The following METTL15 variants were observed in gnomAD, a reference collection of about 807,000 sequenced individuals.
METTL15 encodes 12S rRNA N(4)-cytidine methyltransferase METTL15.
A neutral mutation model predicts 38.3 loss-of-function variants in METTL15; 34 were observed. The ratio of observed to expected loss-of-function variants is 0.89; its 90% confidence interval spans 0.68 to 1.18. The LOEUF (loss-of-function observed/expected upper bound fraction) is 1.18, where lower values mean the gene tolerates loss of function less well. Among genes scored for constraint, METTL15 ranks in the 50% most tolerant of loss-of-function variants. METTL15 has a pLI of 0.00. For synonymous variants in METTL15, 162 were observed against 170.9 expected, an observed-to-expected ratio of 0.95 and a Z score of 0.41; for missense variants, 438 against 498.4, an observed-to-expected ratio of 0.88 and a Z score of 1.15.
At chr11:28,328,080 TG>T (rs775976387) in intron 6 of METTL15, 2 of 1,603,336 alleles carry the variant, frequency 1.2e-6, no homozygotes, top group Non-Finnish European at 1.7e-6. Context: ...AATATATGTT[TG>T]TTCATATTCT....
chr11:28,236,528 A>C (rs893211714), intron 4 of METTL15, among the ~76,000 whole-genome samples: 6 of 152,180 alleles, frequency 3.9e-5, no homozygotes, highest in African/African-American at 1.4e-4. Context: ...TTCCTGGTTT[A>C]GTCTTGGGAG....
At position 28,108,392 on chromosome 11, in the gene METTL15, A is replaced by G. The variant is rs3812739; in HGVS notation, c.-314A>G. On this transcript the variant is annotated 5_prime_UTR_variant, in exon 1 of 7. Coordinates refer to ENST00000407364, the MANE Select transcript of METTL15 (RefSeq NM_001113528.2). ...CCGGAGCTGCTGGTGGGAGGCAGCC[A>G]CTTGAGATCACCAGGCCTCCTGTAG... 0.15 allele frequency: 22,359 copies of G among 152,442 alleles called. 1,810 individuals are homozygous for G. Among genetic ancestry groups the G allele is most frequent in the East Asian group, 0.28 (1,454 of 5,162 alleles). 9.4% of individuals were successfully genotyped at this position (152,442 alleles called of 1,614,324 possible). A position where few individuals can be genotyped will look rare whatever the true frequency, so the allele number is the denominator to read the frequency against.
At chr11:28,231,354 G>GGACA (rs1400569331) in intron 4 of METTL15, among the ~76,000 whole-genome samples, 1 of 151,714 alleles carries the variant, frequency 6.6e-6, no homozygotes, top group Non-Finnish European at 1.5e-5. Flanking sequence ...TCATTACATA[G>GGACA]GACACATTAT....
intron 6 of METTL15, among the ~76,000 whole-genome samples, chr11:28,308,875 G>T (rs1252413994): frequency 7.0e-6 from 1 of 143,686 alleles, no homozygotes; most frequent in Admixed American, 7.3e-5. Flanking sequence ...AGAAAGATTA[G>T]ATAGATAGGT....
At chr11:28,208,003 CTTCT>C (rs1852437812) in intron 3 of METTL15, among the ~76,000 whole-genome samples, 1 of 151,852 alleles carries the variant, frequency 6.6e-6, no homozygotes, top group African/African-American at 2.4e-5. Context: ...TCTCTCATTT[CTTCT>C]TTATTAGTCT....
At chr11:28,362,066 A>G (rs916593136) in intron 5 of METTL15, 2 of 152,194 alleles carry the variant, frequency 1.3e-5, no homozygotes, top group African/African-American at 2.4e-5. Flanking sequence ...ACTAAAATAC[A>G]TATTGACCCT....
chr11:28,419,451 C>T (rs1015237886), intron 5 of METTL15, among the ~76,000 whole-genome samples: 7 of 152,136 alleles, frequency 4.6e-5, no homozygotes, highest in African/African-American at 1.7e-4. Flanking sequence ...GCATATGGTG[C>T]CCCCTAATAC....
chr11:28,384,790 C>A (rs552283586), intron 5 of METTL15, among the ~76,000 whole-genome samples: 1 of 152,240 alleles, frequency 6.6e-6, no homozygotes, highest in South Asian at 2.1e-4. Flanking sequence ...TTCTTCCTAA[C>A]CTTGCCAGCA....
intron 3 of METTL15, among the ~76,000 whole-genome samples, chr11:28,188,268 A>G (rs1851576714): frequency 6.6e-6 from 1 of 151,488 alleles, no homozygotes; most frequent in African/African-American, 2.4e-5. Flanking sequence ...AAATTCAAAC[A>G]TATCAAACAG....
At chr11:28,273,581 C>T (rs12295094) in intron 4 of METTL15, among the ~76,000 whole-genome samples, 13,205 of 151,822 alleles carry the variant, frequency 0.087, 1,025 homozygotes, top group East Asian at 0.36. Context: ...TCAGGTGTCA[C>T]ATATATATAT....
chr11:28,299,788 A>G (rs1448579292), intron 6 of METTL15, among the ~76,000 whole-genome samples: 1 of 152,102 alleles, frequency 6.6e-6, no homozygotes, highest in Admixed American at 6.6e-5. Flanking sequence ...AGTTTTGGAG[A>G]CTTGAAGTCT....
chr11:28,268,974 C>G (rs1053291004), intron 4 of METTL15, among the ~76,000 whole-genome samples: 13 of 152,190 alleles, frequency 8.5e-5, no homozygotes, highest in African/African-American at 2.9e-4. Flanking sequence ...CTTAAACCAC[C>G]AGGTACTATT....
intron 6 of METTL15, among the ~76,000 whole-genome samples, chr11:28,495,705 C>T (rs576593113): frequency 6.6e-6 from 1 of 151,938 alleles, no homozygotes; most frequent in East Asian, 1.9e-4. Flanking sequence ...TTCCTAATAA[C>T]ATTTAAACCC....
chr11:28,440,008 T>C (rs976541445), intron 6 of METTL15, among the ~76,000 whole-genome samples: 5 of 152,164 alleles, frequency 3.3e-5, no homozygotes, highest in African/African-American at 1.2e-4. Flanking sequence ...TGGGTAGACA[T>C]GGAGGCTTTT....
At chr11:28,424,900 G>T (rs538180518) in intron 6 of METTL15, among the ~76,000 whole-genome samples, 1 of 152,176 alleles carries the variant, frequency 6.6e-6, no homozygotes, top group Non-Finnish European at 1.5e-5. Context: ...AGCAGAAAAC[G>T]TATGTTTACA....
At chr11:28,121,517 T>C (rs1056873828) in intron 3 of METTL15, among the ~76,000 whole-genome samples, 1 of 152,140 alleles carries the variant, frequency 6.6e-6, no homozygotes, top group African/African-American at 2.4e-5. Context: ...ATTCTTAACC[T>C]GAACTTTCCA....
At chr11:28,381,507 A>G (rs1850383636) in intron 5 of METTL15, among the ~76,000 whole-genome samples, 1 of 152,062 alleles carries the variant, frequency 6.6e-6, no homozygotes, top group Admixed American at 6.6e-5. Flanking sequence ...TGGTCTTTCA[A>G]GGTGATTTTC....
intron 6 of METTL15, among the ~76,000 whole-genome samples, chr11:28,328,785 T>C (rs568715521): frequency 6.6e-6 from 1 of 152,234 alleles, no homozygotes; most frequent in South Asian, 2.1e-4. Context: ...CCTGTTTTGA[T>C]GTGCATGTTT....
At chr11:28,211,819 A>C (rs1852654564) in intron 4 of METTL15, among the ~76,000 whole-genome samples, 1 of 152,148 alleles carries the variant, frequency 6.6e-6, no homozygotes, top group South Asian at 2.1e-4. Context: ...AAAGAGAAAA[A>C]TATCTTGGAG....
Sources: allele counts gnomAD v4.1 joint callset (sites outside exome capture counted in the v4.1 genomes callset), GRCh38; gene constraint gnomAD v4.1.1; transcripts MANE v1.5; gene names NCBI Gene and HGNC (gene_info 2026-07-23, HGNC 2026-07-21).